Variants in TBC1D22A observed in about 807,000 individuals in gnomAD.
TBC1D22A encodes the protein putative GTPase activator.
Under a neutral mutation model 60.2 loss-of-function variants are expected in TBC1D22A, and 38 were observed. The observed-to-expected ratio is 0.63, with a 90% CI of 0.49 to 0.83. The LOEUF (loss-of-function observed/expected upper bound fraction) is 0.83, where lower values mean the gene tolerates loss of function less well. Ranked by LOEUF, TBC1D22A falls within the 40% of genes least tolerant of loss-of-function variation. TBC1D22A has a pLI of 0.00. For synonymous variants in TBC1D22A, 302 were observed against 281.7 expected, an observed-to-expected ratio of 1.07 and a Z score of -0.72; for missense variants, 628 against 701.0, an observed-to-expected ratio of 0.90 and a Z score of 1.18.
chr22:46,773,009 C>T (rs371734577), intron 1 of TBC1D22A, among the ~76,000 whole-genome samples: 28 of 152,216 alleles, frequency 1.8e-4, no homozygotes, highest in Non-Finnish European at 2.8e-4. Context: ...TTTCCCTGAA[C>T]GGCCACAGTG....
intron 12 of TBC1D22A, chr22:47,115,934 G>A (rs901157043): frequency 6.6e-6 from 1 of 152,282 alleles, no homozygotes; most frequent in African/African-American, 2.4e-5. Flanking sequence ...AATAAGCACG[G>A]CATTGTAAAA....
At chr22:46,998,453 A>G (rs906261313) in intron 10 of TBC1D22A, among the ~76,000 whole-genome samples, 2 of 152,216 alleles carry the variant, frequency 1.3e-5, no homozygotes, top group African/African-American at 4.8e-5. Context: ...TTTCACAAAG[A>G]GTCCCATGCG....
chr22:46,778,222 G>A (rs184576374), intron 1 of TBC1D22A, among the ~76,000 whole-genome samples: 37 of 152,064 alleles, frequency 2.4e-4, no homozygotes, highest in Admixed American at 2.4e-3. Context: ...GATGTCATTA[G>A]CACTCTACAT....
intron 10 of TBC1D22A, among the ~76,000 whole-genome samples, chr22:46,999,137 C>T (rs1422361984): frequency 6.6e-6 from 1 of 152,200 alleles, no homozygotes; most frequent in Non-Finnish European, 1.5e-5. Context: ...GTGGTTAGTG[C>T]TCGTTTGTTC....
chr22:47,164,351 G>T (rs1401457493), intron 12 of TBC1D22A, among the ~76,000 whole-genome samples: 1 of 152,248 alleles, frequency 6.6e-6, no homozygotes, highest in Non-Finnish European at 1.5e-5. Context: ...TGATTTGGAG[G>T]CACTTGTCAC....
intron 10 of TBC1D22A, among the ~76,000 whole-genome samples, chr22:47,014,572 C>G (rs563101514): frequency 6.6e-6 from 1 of 152,368 alleles, no homozygotes; most frequent in South Asian, 2.1e-4. Flanking sequence ...CCCCACCAAG[C>G]AGCCCCATCC....
intron 8 of TBC1D22A, among the ~76,000 whole-genome samples, chr22:46,965,405 C>T (rs1176047478): frequency 6.6e-6 from 1 of 152,212 alleles, no homozygotes; most frequent in Non-Finnish European, 1.5e-5. Context: ...TGTTTTTCTC[C>T]TGGATTCCGA....
At chr22:46,812,747 T>C (rs2085436073) in intron 4 of TBC1D22A, among the ~76,000 whole-genome samples, 1 of 152,242 alleles carries the variant, frequency 6.6e-6, no homozygotes, top group Non-Finnish European at 1.5e-5. Context: ...CTGACCCTTG[T>C]TTTATTATCA....
chr22:46,934,505 T>C (rs951247563), intron 8 of TBC1D22A, among the ~76,000 whole-genome samples: 4 of 152,226 alleles, frequency 2.6e-5, no homozygotes, highest in Non-Finnish European at 4.4e-5. Context: ...TCCTTTCACT[T>C]GCCAGAGAGA....
At chr22:46,829,165 G>T (rs201073684) in intron 4 of TBC1D22A, among the ~76,000 whole-genome samples, 1 of 151,902 alleles carries the variant, frequency 6.6e-6, no homozygotes. Context: ...TTTTTTCTTT[G>T]ACTCTTCTCT....
chr22:46,941,239 T>TCACACACACACA (rs1569247417), intron 8 of TBC1D22A, among the ~76,000 whole-genome samples: 2 of 73,456 alleles, frequency 2.7e-5, no homozygotes, highest in Non-Finnish European at 5.6e-5. Flanking sequence ...ACACACACAG[T>TCACACACACACA]CCACCCTTGA....
At chr22:46,814,711 G>A (rs928823649) in intron 4 of TBC1D22A, among the ~76,000 whole-genome samples, 1 of 151,572 alleles carries the variant, frequency 6.6e-6, no homozygotes, top group African/African-American at 2.4e-5. Flanking sequence ...CAATGACAAG[G>A]TCCCGGCTCA....
At chr22:47,039,245 G>A (rs905122903) in intron 11 of TBC1D22A, among the ~76,000 whole-genome samples, 1 of 152,128 alleles carries the variant, frequency 6.6e-6, no homozygotes, top group African/African-American at 2.4e-5. Context: ...ATTTGTACCA[G>A]GGACTCATTC....
chr22:46,878,623 G>A (rs754879262), intron 4 of TBC1D22A, 30 bp from the exon 5 acceptor site: 2 of 1,611,358 alleles, frequency 1.2e-6, no homozygotes, highest in African/African-American at 1.3e-5. Flanking sequence ...TGCAAATCTT[G>A]TTTTTCCTTG....
intron 9 of TBC1D22A, among the ~76,000 whole-genome samples, chr22:46,989,756 G>A (rs1281770731): frequency 8.5e-6 from 1 of 117,448 alleles, no homozygotes; most frequent in Non-Finnish European, 1.7e-5. Context: ...AAATGTGACA[G>A]AGTCACACAC....
At chr22:46,904,040 T>G (rs569355122) in intron 7 of TBC1D22A, among the ~76,000 whole-genome samples, 2 of 152,150 alleles carry the variant, frequency 1.3e-5, no homozygotes, top group African/African-American at 4.8e-5. Flanking sequence ...ATATGAAATC[T>G]GTCATATATA....
At chr22:46,960,058 G>C (rs1002911071) in intron 8 of TBC1D22A, among the ~76,000 whole-genome samples, 1 of 152,166 alleles carries the variant, frequency 6.6e-6, no homozygotes, top group Non-Finnish European at 1.5e-5. Context: ...TCGTTAGTTA[G>C]CAGGGGAATC....
chr22:47,006,668 C>T (rs6009096), intron 10 of TBC1D22A, among the ~76,000 whole-genome samples: 60,561 of 152,072 alleles, frequency 0.4, 13,353 homozygotes, highest in African/African-American at 0.6. Flanking sequence ...TTTCTCCCCC[C>T]GCTCTAGTGG....
chr22:46,830,826 G>A (rs963611102), intron 4 of TBC1D22A, among the ~76,000 whole-genome samples: 4 of 152,238 alleles, frequency 2.6e-5, no homozygotes, highest in African/African-American at 9.6e-5. Context: ...CAGGGTCAGC[G>A]TAGGTGGGAA....
Sources: gnomAD v4.1 joint callset for allele counts (sites outside exome capture counted in the v4.1 genomes callset) on GRCh38, gnomAD v4.1.1 for gene constraint, MANE v1.5 for transcripts, NCBI Gene and HGNC (gene_info 2026-07-23, HGNC 2026-07-21) for gene names.